NPAS4: variants seen among roughly 807,000 people sequenced by gnomAD.
The protein encoded by NPAS4 is neuronal PAS domain-containing protein 4.
Under a neutral mutation model 64.0 loss-of-function variants are expected in NPAS4, and 10 were observed. The ratio of observed to expected loss-of-function variants is 0.16; its 90% CI spans 0.10 to 0.26. The LOEUF is 0.26. Among genes scored for constraint, NPAS4 ranks in the 10% least tolerant of loss-of-function variants. The pLI is 1.00. For synonymous variants in NPAS4, 441 were observed against 411.7 expected, an observed-to-expected ratio of 1.07 and a Z score of -0.86; for missense variants, 886 against 992.6, an observed-to-expected ratio of 0.89 and a Z score of 1.44.
the NPAS4 span, among the ~76,000 whole-genome samples, chr11:66,415,943 A>T: frequency 2.2e-4 from 33 of 152,148 alleles, no homozygotes; most frequent in Non-Finnish European, 3.8e-4. Flanking sequence ...GGCAGAAAAA[A>T]TTTTTTTAAA....
At chr11:66,419,052 C>A (rs149641046), upstream of NPAS4, among the ~76,000 whole-genome samples, 1 of 151,924 alleles carries the variant, frequency 6.6e-6, no homozygotes, top group Non-Finnish European at 1.5e-5. Context: ...GAATTTCATA[C>A]GGAAGGGGAT....
intron 1 of NPAS4, 60 bp downstream of exon 1, chr11:66,421,414 A>G (rs1165781753): frequency 3.9e-6 from 6 of 1,525,988 alleles, no homozygotes; most frequent in South Asian, 1.1e-5. Context: ...CCTGGAGCTG[A>G]GGGAACCCGC....
upstream of NPAS4, chr11:66,417,017 A>C (rs1856679291): frequency 1.3e-5 from 2 of 152,106 alleles, no homozygotes; most frequent in Non-Finnish European, 1.5e-5. Context: ...CCCCTCCCCC[A>C]GTTTCCCAAT....
upstream of NPAS4, among the ~76,000 whole-genome samples, chr11:66,416,364 A>G (rs1340986484): frequency 6.6e-6 from 1 of 152,202 alleles, no homozygotes; most frequent in East Asian, 1.9e-4. Context: ...TAGCAAGCCA[A>G]GCACGGGAGG....
At chr11:66,418,332 A>G (rs1299363117), upstream of NPAS4, among the ~76,000 whole-genome samples, 1 of 152,180 alleles carries the variant, frequency 6.6e-6, no homozygotes, top group Non-Finnish European at 1.5e-5. Flanking sequence ...AGCAGCGGCC[A>G]GGAGCTCTCT....
chr11:66,421,149 CA>C lies in NPAS4; in HGVS notation c.-30del, dbSNP rs1856734590. ...CGGGACGGGAGCGCAGGTGCTCGGG[CA>C]CCCGAGCTGGAGCTCCGCAGCCGCC... is the stretch of plus-strand genomic sequence containing the variant. On this transcript the variant is annotated 5_prime_UTR_variant, in exon 1 of 8. Coordinates refer to ENST00000311034, the MANE Select transcript of NPAS4 (RefSeq NM_178864.4). 6.4e-7 allele frequency: 1 copy of C among 1,561,892 alleles called. No individual in the cohort carries two copies. The highest frequency in any genetic ancestry group is 8.7e-7 in the Non-Finnish European group (1 of 1,152,008).
At chr11:66,410,382 G>A in the NPAS4 span, 2 of 152,304 alleles carry the variant, frequency 1.3e-5, no homozygotes, top group Non-Finnish European at 2.9e-5. Flanking sequence ...CTTCAACAGA[G>A]CGTCCACTCC....
chr11:66,422,276 G>A lies in NPAS4; in HGVS notation c.327+5G>A. On this transcript the variant is annotated splice_donor_5th_base_variant and intron_variant, in intron 2 of 7. Transcript: ENST00000311034. ...GAGCATCTGGGCCACTCCATGGTGA[G>A]TGCTAAGGGTCCTTTCAGCTGAGGC... is the stretch of plus-strand genomic sequence containing the variant. 6.2e-7 allele frequency: 1 copy of A among 1,613,948 alleles called. No homozygotes were observed. Among genetic ancestry groups the A allele is most frequent in the South Asian group, 1.1e-5 (1 of 91,086 alleles).
the NPAS4 span, chr11:66,411,116 A>G: frequency 6.6e-6 from 1 of 152,270 alleles, no homozygotes; most frequent in Non-Finnish European, 1.5e-5. Context: ...CTGCCCATCC[A>G]GGGCTGAGAA....
At chr11:66,418,433 G>A (rs1338503437), upstream of NPAS4, among the ~76,000 whole-genome samples, 1 of 152,120 alleles carries the variant, frequency 6.6e-6, no homozygotes, top group African/African-American at 2.4e-5. Flanking sequence ...TGAAGCTGCT[G>A]CCAAGCTATT....
At chr11:66,414,104 G>A in the NPAS4 span, among the ~76,000 whole-genome samples, 2 of 152,218 alleles carry the variant, frequency 1.3e-5, no homozygotes, top group Admixed American at 1.3e-4. Flanking sequence ...ACAATGCAGG[G>A]TGCAGAGTGC....
In NPAS4 at chr11:66,426,068, G is replaced by A; in HGVS notation, c.*79G>A. 2 of 972,366 alleles carry A rather than the reference G, an allele frequency of 2.1e-6. No homozygotes were observed. The highest frequency in any genetic ancestry group is 3.2e-6 in the Non-Finnish European group (2 of 631,092). 60.2% of individuals were successfully genotyped at this position (972,366 alleles called of 1,614,324 possible). A position where few individuals can be genotyped will look rare whatever the true frequency, so the allele number is the denominator to read the frequency against. ...AGCCGCTCTCCACCCCCCCGGGACT[G>A]TTGGGGGGATTCTGAGGGCCAGAGG... On this transcript the variant is annotated 3_prime_UTR_variant, in exon 8 of 8. Coordinates refer to ENST00000311034, the MANE Select transcript of NPAS4 (RefSeq NM_178864.4).
rs941505858 is a variant in NPAS4 at position 66,426,046 on chromosome 11, C to T, written c.*57C>T. The T allele has an allele frequency of 1.4e-5, 18 of 1,288,626 alleles. No individual in the cohort carries two copies. Among genetic ancestry groups the T allele is most frequent in the African/African-American group, 8.7e-5 (6 of 68,580 alleles). The allele number at this position is 1,288,626 out of a possible 1,614,324, so 79.8% of individuals were successfully genotyped here. A position where few individuals can be genotyped will look rare whatever the true frequency, so the allele number is the denominator to read the frequency against. On this transcript the variant is annotated 3_prime_UTR_variant, in exon 8 of 8. Coordinates refer to ENST00000311034, the MANE Select transcript of NPAS4 (RefSeq NM_178864.4). Reference sequence around the variant, plus strand: ...GCATATTGTCATCAAGACGTGGAGCCGCTCTCCACCCCCCCGGGACTGTTG... The same window carrying T: ...GCATATTGTCATCAAGACGTGGAGCTGCTCTCCACCCCCCCGGGACTGTTG...
chr11:66,421,031 A>AG, upstream of NPAS4: 3 of 668,926 alleles, frequency 4.5e-6, no homozygotes, highest in Non-Finnish European at 5.0e-6. Context: ...GAGGCAGGCG[A>AG]GGGGGGCAGC....
chr11:66,422,404 C>A (rs757556367), intron 2 of NPAS4, 47 bp from the exon 3 acceptor site: 4 of 1,504,074 alleles, frequency 2.7e-6, no homozygotes, highest in South Asian at 2.2e-5. Flanking sequence ...CAAAGATTGG[C>A]TCCTGCTGTT....
Position 66,425,252 on chromosome 11 carries a change from C to A in NPAS4, c.2362C>A (p.Gln788Lys). 1.3e-6 allele frequency: 2 copies of A among 1,506,388 alleles called. No homozygotes were observed. Among genetic ancestry groups the A allele is most frequent in the South Asian group, 2.7e-5 (2 of 72,992 alleles). The allele number at this position is 1,506,388 out of a possible 1,614,324, so 93.3% of individuals were successfully genotyped here. ...DELHQLQSQV[Q>K]DSFHEDGSGG... ...GTTGCATCAACTCCAGAGCCAAGTT[C>A]AAGACAGCTTCCATGAAGGTGAGTC... The change falls in exon 7 of 8, where the codon CAA becomes AAA. Residue 788 changes from glutamine to lysine, a missense_variant. This residue lies in a region of NPAS4 where 28 missense variants were observed against 57.0 expected (regional missense o/e 0.49). Transcript: ENST00000311034.
chr11:66,418,828 T>A (rs909967404), upstream of NPAS4, among the ~76,000 whole-genome samples: 5 of 152,154 alleles, frequency 3.3e-5, no homozygotes, highest in African/African-American at 9.7e-5. Flanking sequence ...CCTACGTCGA[T>A]GTCCCCGGCA....
At position 66,422,027 on chromosome 11, in the gene NPAS4, C is replaced by G. The variant is rs995409475; in HGVS notation, c.176-93C>G. Reference sequence around the variant, plus strand: ...GCAGAGGCAGGTCCATGAGAAATTCCTCTGGATTCTCTGAAACTCAGACCA... The same window carrying G: ...GCAGAGGCAGGTCCATGAGAAATTCGTCTGGATTCTCTGAAACTCAGACCA... On this transcript the variant is annotated intron_variant, in intron 1 of 7. Coordinates refer to ENST00000311034, the MANE Select transcript of NPAS4 (RefSeq NM_178864.4). 5.1e-6 allele frequency: 6 copies of G among 1,186,744 alleles called. No homozygotes were observed. The African/African-American group carries it at 9.0e-5, about 18-fold the overall frequency. 73.5% of individuals were successfully genotyped at this position (1,186,744 alleles called of 1,614,324 possible).
Position 66,422,725 on chromosome 11 carries a change from G to C in NPAS4, c.482G>C (p.Ser161Thr). 1 of 1,614,058 alleles carries C rather than the reference G, an allele frequency of 6.2e-7. No homozygotes were observed. The highest frequency in any genetic ancestry group is 8.5e-7 in the Non-Finnish European group (1 of 1,179,966). The change falls in exon 4 of 8, where the codon AGT becomes ACT. Residue 161 changes from serine (S) to threonine (T), a missense_variant. Physicochemically the swap from Ser to Thr is moderately conservative, Grantham distance 58. Coordinates refer to ENST00000311034, the MANE Select transcript of NPAS4 (RefSeq NM_178864.4). ...ACCTCCAAGTCCCTCAGGCGCCAGA[G>C]TGCAGGCAACAAACTCGTGCTTATT... ...FNTSKSLRRQ[S>T]AGNKLVLIRG...
Sources: gnomAD v4.1 joint callset for allele counts (sites outside exome capture counted in the v4.1 genomes callset) on GRCh38, gnomAD v4.1.1 for gene constraint, gnomAD v4.1.1 regional missense constraint, MANE v1.5 for transcripts, NCBI Gene and HGNC (gene_info 2026-07-23, HGNC 2026-07-21) for gene names.